FANCM: variants seen among roughly 807,000 people sequenced by gnomAD.
The protein encoded by FANCM is Fanconi anemia group M protein.
In FANCM, 140 loss-of-function variants were observed where a neutral mutation model predicts 199.5. The ratio of observed to expected loss-of-function variants is 0.70; its 90% confidence interval spans 0.61 to 0.81. The LOEUF (loss-of-function observed/expected upper bound fraction) is 0.81, where lower values mean the gene tolerates loss of function less well. Ranked by LOEUF, FANCM falls within the 30% of genes least tolerant of loss-of-function variation. FANCM has a pLI of 0.00. For missense variants in FANCM, 2,410 were observed against 2,421.4 expected (o/e 1.00, Z 0.10); for synonymous variants, 840 against 836.8 (o/e 1.00, Z -0.07).
intron 20 of FANCM, among the ~76,000 whole-genome samples, chr14:45,195,902 T>C (rs887812314): frequency 6.6e-6 from 1 of 152,224 alleles, no homozygotes; most frequent in African/African-American, 2.4e-5. Context: ...AATTTTCTTT[T>C]TTAACACATT....
In FANCM at chr14:45,196,154, T is replaced by C. The variant is rs1479142290; in HGVS notation, c.5341-18T>C. The C allele has an allele frequency of 2.1e-5, 34 of 1,613,944 alleles. No individual in the cohort carries two copies. The highest frequency in any genetic ancestry group is 2.7e-5 in the Non-Finnish European group (32 of 1,179,934). On this transcript the variant is annotated intron_variant, in intron 20 of 22. Coordinates refer to ENST00000267430, the MANE Select transcript of FANCM (RefSeq NM_020937.4). ...ATGCATTTAACCTGAATGTGACCAGTGTTTTCCACTTTTTCAGGATGGTAG... is the reference window on the plus strand; with the variant it reads ...ATGCATTTAACCTGAATGTGACCAGCGTTTTCCACTTTTTCAGGATGGTAG...
intron 10 of FANCM, among the ~76,000 whole-genome samples, chr14:45,165,599 C>T (rs1268060760): frequency 6.6e-6 from 1 of 152,136 alleles, no homozygotes; most frequent in African/African-American, 2.4e-5. Context: ...TCTTTAAAAT[C>T]ATCCTGAAAA....
intron 9 of FANCM, among the ~76,000 whole-genome samples, chr14:45,162,784 A>G (rs951027403): frequency 3.3e-5 from 5 of 152,224 alleles, no homozygotes; most frequent in African/African-American, 1.2e-4. Flanking sequence ...TTTAGTTTAT[A>G]CATGTTAACT....
chr14:45,155,289 G>T, intron 7 of FANCM, 84 bp from the exon 8 acceptor site: 2 of 641,836 alleles, frequency 3.1e-6, no homozygotes, highest in South Asian at 1.7e-5. Context: ...CATATGCATT[G>T]GAAAAGATAA....
At chr14:45,182,762 G>A (rs11845507) in intron 16 of FANCM, among the ~76,000 whole-genome samples, 33,507 of 152,048 alleles carry the variant, frequency 0.22, 5,332 homozygotes, top group African/African-American at 0.45. Context: ...ATCCTGATAC[G>A]CACATCATAA....
chr14:45,144,927 G>C (rs1438294743), intron 3 of FANCM, among the ~76,000 whole-genome samples: 1 of 152,004 alleles, frequency 6.6e-6, no homozygotes, highest in Non-Finnish European at 1.5e-5. Context: ...ATCATTGCTA[G>C]AGATGTGCTG....
intron 20 of FANCM, among the ~76,000 whole-genome samples, chr14:45,193,997 G>T (rs971637953): frequency 5.9e-5 from 9 of 151,924 alleles, no homozygotes; most frequent in African/African-American, 2.2e-4. Context: ...ATCTGCAAAA[G>T]AATTTATATT....
chr14:45,193,632 A>G (rs1295306470), intron 20 of FANCM, among the ~76,000 whole-genome samples: 4 of 152,026 alleles, frequency 2.6e-5, no homozygotes, highest in African/African-American at 9.7e-5. Flanking sequence ...AGTTGACCAT[A>G]TATGTGAGGG....
chr14:45,166,347 G>A (rs988986963), intron 10 of FANCM, among the ~76,000 whole-genome samples: 7 of 151,854 alleles, frequency 4.6e-5, no homozygotes, highest in South Asian at 2.1e-4. Context: ...CCATATTGGC[G>A]AGGCTGATCT....
intron 21 of FANCM, among the ~76,000 whole-genome samples, chr14:45,197,928 T>G (rs1742856710): frequency 2.0e-5 from 3 of 152,026 alleles, no homozygotes. Context: ...CATGCTCAGC[T>G]AATTTTTTTT....
intron 13 of FANCM, 104 bp downstream of exon 13, chr14:45,173,314 TG>T: frequency 2.9e-6 from 3 of 1,034,500 alleles, no homozygotes; most frequent in Non-Finnish European, 4.5e-6. Flanking sequence ...TTTGTTTTTC[TG>T]TATAGTTCCT....
chr14:45,144,181 C>T (rs2139132531), intron 3 of FANCM, among the ~76,000 whole-genome samples: 1 of 152,062 alleles, frequency 6.6e-6, no homozygotes, highest in East Asian at 1.9e-4. Flanking sequence ...CTTTTTGTTA[C>T]AATCCAGTTA....
intron 9 of FANCM, among the ~76,000 whole-genome samples, chr14:45,163,397 CACTT>C (rs1317955412): frequency 6.6e-6 from 1 of 152,176 alleles, no homozygotes; most frequent in Non-Finnish European, 1.5e-5. Context: ...TGCATTATCT[CACTT>C]AATTACCACC....
Position 45,137,724 on chromosome 14 carries a change from A to G in FANCM, c.681+483A>G, listed in dbSNP as rs186225423. 4.0e-5 allele frequency: 7 copies of G among 172,930 alleles called. No individual in the cohort carries two copies. In the East Asian group the frequency reaches 6.2e-4, roughly 15 times the overall value. 10.7% of individuals were successfully genotyped at this position (172,930 alleles called of 1,614,324 possible). ...GAAGTAGTGGGATGTGGTTGCAAAC[A>G]TCATTCATATCTTTGCACTGAATGA... is the stretch of plus-strand genomic sequence containing the variant. On this transcript the variant is annotated intron_variant, in intron 2 of 22. Transcript: ENST00000267430.
intron 4 of FANCM, among the ~76,000 whole-genome samples, chr14:45,149,898 A>G (rs576468745): frequency 6.6e-6 from 1 of 152,118 alleles, no homozygotes; most frequent in Non-Finnish European, 1.5e-5. Context: ...TATGGAGGCC[A>G]GGAATCAGCT....
At chr14:45,136,617 T>C (rs768441891) in intron 1 of FANCM, 78 bp downstream of exon 1, 39 of 1,374,644 alleles carry the variant, frequency 2.8e-5, no homozygotes, top group Non-Finnish European at 4.0e-5. Context: ...AGCTACAACA[T>C]GTGCATCTTA....
At chr14:45,145,789 G>A (rs1204650140) in intron 3 of FANCM, among the ~76,000 whole-genome samples, 1 of 152,082 alleles carries the variant, frequency 6.6e-6, no homozygotes, top group Non-Finnish European at 1.5e-5. Context: ...GCCGGGCGCG[G>A]TGGCTCACGC....
rs766902093 is a variant in FANCM, at chr14:45,175,372, G to T, written c.2618G>T (p.Gly873Val). ...CAGCTTAAAAAAGAAAATAATCACGGTATTATAGATTCTGTAGATAATGAC... is the reference window on the plus strand; with the variant it reads ...CAGCTTAAAAAAGAAAATAATCACGTTATTATAGATTCTGTAGATAATGAC... ...KDQLKKENNH[G>V]IIDSVDNDRN... The change falls in exon 14 of 23, where the codon GGT (glycine) becomes GTT (valine). Residue 873 changes from glycine to valine, a missense_variant. Transcript: ENST00000267430. The T allele has an allele frequency of 2.6e-6, 4 of 1,561,692 alleles. No individual in the cohort carries two copies. The Admixed American group carries it at 5.7e-5, about 22-fold the overall frequency.
rs1413811900 is a variant in FANCM at position 45,176,988 on chromosome 14, T to A, written c.4222+12T>A. 6.8e-7 allele frequency: 1 copy of A among 1,481,476 alleles called. No homozygotes were observed. The highest frequency in any genetic ancestry group is 9.4e-7 in the Non-Finnish European group (1 of 1,060,728). The allele number at this position is 1,481,476 out of a possible 1,614,324, so 91.8% of individuals were successfully genotyped here. A position where few individuals can be genotyped will look rare whatever the true frequency, so the allele number is the denominator to read the frequency against. Reference sequence around the variant, plus strand: ...TCATTCTGTTGAAGGTAAGATTCCATCTTTATAAAGTCTATAACTCTTTCT... The same window carrying A: ...TCATTCTGTTGAAGGTAAGATTCCAACTTTATAAAGTCTATAACTCTTTCT... On this transcript the variant is annotated intron_variant, in intron 14 of 22. Transcript: ENST00000267430.
Sources: gnomAD v4.1 joint callset for allele counts (sites outside exome capture counted in the v4.1 genomes callset) on GRCh38, gnomAD v4.1.1 for gene constraint, MANE v1.5 for transcripts, NCBI Gene and HGNC (gene_info 2026-07-23, HGNC 2026-07-21) for gene names.